The following FILIP1L variants were observed in gnomAD, a reference collection of about 807,000 sequenced individuals.
The protein encoded by FILIP1L is filamin A-interacting protein 1-like.
Under a neutral mutation model 96.6 loss-of-function variants are expected in FILIP1L, and 55 were observed. The observed-to-expected ratio is 0.57, with a 90% CI of 0.46 to 0.71. The LOEUF is 0.71. Ranked by LOEUF, FILIP1L falls within the 30% of genes least tolerant of loss-of-function variation. The probability of loss-of-function intolerance (pLI) is 0.00; values close to 1 mark genes in which losing one functional copy is unlikely to be tolerated. For missense variants in FILIP1L, 1,304 were observed against 1,321.2 expected, an observed-to-expected ratio of 0.99 and a Z score of 0.20; for synonymous variants, 467 against 473.9, an observed-to-expected ratio of 0.99 and a Z score of 0.19.
At chr3:100,089,266 C>G (rs1296270505) in intron 1 of FILIP1L, among the ~76,000 whole-genome samples, 1 of 152,082 alleles carries the variant, frequency 6.6e-6, no homozygotes, top group Admixed American at 6.6e-5. Context: ...GCTGTATTTG[C>G]CCTACAGGAA....
intron 4 of FILIP1L, among the ~76,000 whole-genome samples, chr3:99,862,839 A>G (rs189024496): frequency 2.6e-5 from 4 of 152,182 alleles, no homozygotes; most frequent in Admixed American, 2.0e-4. Flanking sequence ...TCACAGATCT[A>G]CTCCACAGCT....
chr3:99,852,415 T>G (rs1943741208), intron 4 of FILIP1L, among the ~76,000 whole-genome samples: 1 of 152,144 alleles, frequency 6.6e-6, no homozygotes, highest in South Asian at 2.1e-4. Flanking sequence ...TTGAAAGTTG[T>G]GTAAGGATTT....
intron 1 of FILIP1L, among the ~76,000 whole-genome samples, chr3:100,000,701 C>T (rs955472642): frequency 3.9e-5 from 6 of 152,144 alleles, no homozygotes; most frequent in Admixed American, 2.6e-4. Context: ...GGCGATAGCG[C>T]AAGACTCTGT....
chr3:99,993,607 GT>G (rs1297916388), intron 1 of FILIP1L, among the ~76,000 whole-genome samples: 1 of 152,130 alleles, frequency 6.6e-6, no homozygotes, highest in Non-Finnish European at 1.5e-5. Flanking sequence ...GATATTGGGT[GT>G]GGGTTTGTCA....
chr3:99,879,962 A>G (rs192501059), intron 4 of FILIP1L, among the ~76,000 whole-genome samples: 28 of 152,222 alleles, frequency 1.8e-4, no homozygotes, highest in Admixed American at 1.6e-3. Context: ...TTCGGTGTTT[A>G]TTGCACCCCA....
chr3:100,046,877 C>A (rs1400183961), intron 1 of FILIP1L, among the ~76,000 whole-genome samples: 1 of 152,108 alleles, frequency 6.6e-6, no homozygotes, highest in Admixed American at 6.6e-5. Context: ...TTCCTATTTT[C>A]CATGGTTCAG....
At chr3:99,909,435 G>A (rs1264713490) in intron 4 of FILIP1L, among the ~76,000 whole-genome samples, 3 of 152,114 alleles carry the variant, frequency 2.0e-5, no homozygotes, top group Admixed American at 1.3e-4. Context: ...TGGAGTCATG[G>A]TATCAAAAGG....
intron 1 of FILIP1L, among the ~76,000 whole-genome samples, chr3:99,965,465 T>C (rs1708621334): frequency 6.6e-6 from 1 of 152,220 alleles, no homozygotes; most frequent in Non-Finnish European, 1.5e-5. Context: ...TTCCAGACCT[T>C]TGGAATTGAG....
chr3:100,062,093 C>CTTCTTTTTT (rs2065577734), intron 1 of FILIP1L, among the ~76,000 whole-genome samples: 1 of 53,154 alleles, frequency 1.9e-5, no homozygotes, highest in South Asian at 5.9e-4. Context: ...CTGTCTTCTT[C>CTTCTTTTTT]TTTTTTTTTT....
At chr3:99,898,758 T>G (rs971075902) in intron 4 of FILIP1L, 5 of 114,894 alleles carry the variant, frequency 4.4e-5, no homozygotes, top group African/African-American at 1.7e-4. Flanking sequence ...AGAGCTAGAC[T>G]CCATCTAAAA....
At chr3:99,971,803 C>T (rs953024722) in intron 1 of FILIP1L, among the ~76,000 whole-genome samples, 5 of 152,176 alleles carry the variant, frequency 3.3e-5, no homozygotes, top group African/African-American at 9.7e-5. Context: ...AGAACAGAGT[C>T]GGTTCCTAGC....
intron 1 of FILIP1L, among the ~76,000 whole-genome samples, chr3:99,941,339 A>G (rs1707844873): frequency 1.3e-5 from 2 of 152,242 alleles, no homozygotes; most frequent in South Asian, 4.1e-4. Context: ...ACTGTAAATA[A>G]TGTTCAATGC....
At chr3:99,985,609 GAT>G (rs1709315980) in intron 1 of FILIP1L, among the ~76,000 whole-genome samples, 1 of 148,658 alleles carries the variant, frequency 6.7e-6, no homozygotes, top group Non-Finnish European at 1.5e-5. Context: ...TTTTTTTTGA[GAT>G]AGAGTCTCGC....
At chr3:99,916,777 T>C (rs1206447568) in intron 4 of FILIP1L, among the ~76,000 whole-genome samples, 1 of 152,202 alleles carries the variant, frequency 6.6e-6, no homozygotes, top group African/African-American at 2.4e-5. Flanking sequence ...TTAACTCTGA[T>C]ACCCTGTGCT....
At chr3:100,082,101 T>C (rs1261882459) in intron 1 of FILIP1L, among the ~76,000 whole-genome samples, 1 of 152,216 alleles carries the variant, frequency 6.6e-6, no homozygotes, top group Non-Finnish European at 1.5e-5. Flanking sequence ...CCTAGACATT[T>C]TTAGTTCAGT....
chr3:100,037,032 G>A (rs1212388946), intron 1 of FILIP1L, among the ~76,000 whole-genome samples: 1 of 152,090 alleles, frequency 6.6e-6, no homozygotes, highest in Non-Finnish European at 1.5e-5. Flanking sequence ...AGAAACCAAA[G>A]AGACATAAAA....
intron 1 of FILIP1L, chr3:100,109,918 C>A (rs1165245033): frequency 1.9e-5 from 2 of 106,968 alleles, no homozygotes; most frequent in Non-Finnish European, 3.7e-5. Flanking sequence ...CCCCCCCCAG[C>A]ACCACCCCCC....
Position 99,850,067 on chromosome 3 carries a change from C to T in FILIP1L, c.1609G>A (p.Glu537Lys). ...VEQNKVTTVT[E>K]KLIEETKRAL... ...CTTTTAGTTTCCTCAATTAACTTCT[C>T]AGTAACTGTTGTTACTTTATTTTGC... Residue 537 changes from glutamate (E) to lysine (K), a missense_variant, in exon 5 of 6, where the codon GAG becomes AAG. Physicochemically the swap from Glu to Lys is moderately conservative, Grantham distance 56 (BLOSUM62 1). Transcript: ENST00000477258. The T allele has an allele frequency of 5.6e-6, 9 of 1,612,398 alleles. No homozygotes were observed. Among genetic ancestry groups the T allele is most frequent in the Non-Finnish European group, 7.6e-6 (9 of 1,179,476 alleles).
intron 1 of FILIP1L, among the ~76,000 whole-genome samples, chr3:99,958,963 C>A (rs1708417569): frequency 6.6e-6 from 1 of 152,076 alleles, no homozygotes; most frequent in African/African-American, 2.4e-5. Flanking sequence ...CCACTGGATT[C>A]TTGTGTGTAA....
Sources: allele counts gnomAD v4.1 joint callset (sites outside exome capture counted in the v4.1 genomes callset), GRCh38; gene constraint gnomAD v4.1.1; transcripts MANE v1.5; gene names NCBI Gene and HGNC (gene_info 2026-07-23, HGNC 2026-07-21).